The following LYPLAL1 variants were observed in gnomAD, a reference collection of about 807,000 sequenced individuals.
The protein encoded by LYPLAL1 is lysophospholipase-like protein 1.
Under a neutral mutation model 19.7 loss-of-function variants are expected in LYPLAL1, and 23 were observed. The observed-to-expected ratio is 1.17, with a 90% CI of 0.84 to 1.65. The LOEUF (loss-of-function observed/expected upper bound fraction) is 1.65, where lower values mean the gene tolerates loss of function less well. Among genes scored for constraint, LYPLAL1 ranks in the 40% most tolerant of loss-of-function variants. The pLI is 0.00. For missense variants in LYPLAL1, 355 were observed against 279.4 expected, an observed-to-expected ratio of 1.27 and a Z score of -1.93; for synonymous variants, 119 against 96.3, an observed-to-expected ratio of 1.24 and a Z score of -1.38.
At chr1:219,328,705 T>C in the LYPLAL1 span, among the ~76,000 whole-genome samples, 2 of 152,106 alleles carry the variant, frequency 1.3e-5, no homozygotes, top group African/African-American at 4.8e-5. Flanking sequence ...TTATATACAG[T>C]ATCTATATCA....
At chr1:219,365,824 C>T in the LYPLAL1 span, among the ~76,000 whole-genome samples, 1 of 152,114 alleles carries the variant, frequency 6.6e-6, no homozygotes, top group Admixed American at 6.6e-5. Flanking sequence ...AAACTGTTAG[C>T]TTTGTCTTTA....
At chr1:219,385,061 G>T in the LYPLAL1 span, among the ~76,000 whole-genome samples, 13 of 152,254 alleles carry the variant, frequency 8.5e-5, no homozygotes, top group East Asian at 1.4e-3. Flanking sequence ...AGGTGGTGGT[G>T]GGGGAGGTCA....
chr1:219,373,801 C>A, the LYPLAL1 span, among the ~76,000 whole-genome samples: 1 of 149,000 alleles, frequency 6.7e-6, no homozygotes, highest in African/African-American at 2.5e-5. Flanking sequence ...CCTGAGCCAC[C>A]CTTGGGCCTA....
chr1:219,444,037 T>C, the LYPLAL1 span, among the ~76,000 whole-genome samples: 1 of 152,082 alleles, frequency 6.6e-6, no homozygotes, highest in South Asian at 2.1e-4. Context: ...ACATGCAAAG[T>C]CCACACACAC....
At chr1:219,331,977 A>C in the LYPLAL1 span, among the ~76,000 whole-genome samples, 1 of 152,186 alleles carries the variant, frequency 6.6e-6, no homozygotes, top group African/African-American at 2.4e-5. Context: ...TAGAATGCTA[A>C]TAGTTACTAT....
the LYPLAL1 span, among the ~76,000 whole-genome samples, chr1:219,445,418 GC>G: frequency 8.9e-3 from 854 of 96,322 alleles, 15 homozygotes; most frequent in African/African-American, 0.032. Context: ...TGGGGGGGGG[GC>G]GGTGGGGGGA....
the LYPLAL1 span, among the ~76,000 whole-genome samples, chr1:219,328,240 C>T: frequency 9.2e-5 from 14 of 152,184 alleles, no homozygotes; most frequent in African/African-American, 1.7e-4. Flanking sequence ...CTTCCGGTTT[C>T]TCACTCATGC....
intron 1 of LYPLAL1, among the ~76,000 whole-genome samples, chr1:219,177,874 C>T (rs1326430051): frequency 6.6e-6 from 1 of 152,174 alleles, no homozygotes; most frequent in Non-Finnish European, 1.5e-5. Context: ...ACAGATTTGT[C>T]ACGTTCCTAC....
chr1:219,431,030 G>C, the LYPLAL1 span, among the ~76,000 whole-genome samples: 129 of 152,164 alleles, frequency 8.5e-4, 1 homozygote, highest in South Asian at 0.025. Context: ...TCATACAATT[G>C]TCTTTAAGAG....
the LYPLAL1 span, among the ~76,000 whole-genome samples, chr1:219,367,621 A>G: frequency 6.6e-6 from 1 of 152,210 alleles, no homozygotes; most frequent in African/African-American, 2.4e-5. Context: ...ATTAAAATAT[A>G]AGATAATTTA....
At chr1:219,293,033 A>G in the LYPLAL1 span, among the ~76,000 whole-genome samples, 69 of 152,292 alleles carry the variant, frequency 4.5e-4, no homozygotes, top group African/African-American at 1.6e-3. Flanking sequence ...GCCTCCAAAT[A>G]ATTTTCACAT....
the LYPLAL1 span, among the ~76,000 whole-genome samples, chr1:219,345,681 C>G: frequency 6.6e-6 from 1 of 152,096 alleles, no homozygotes; most frequent in Non-Finnish European, 1.5e-5. Flanking sequence ...CAATCCCATC[C>G]ATTTCCCTTC....
chr1:219,256,874 T>A, the LYPLAL1 span, among the ~76,000 whole-genome samples: 1 of 151,980 alleles, frequency 6.6e-6, no homozygotes, highest in East Asian at 1.9e-4. Flanking sequence ...TCTGGCTATC[T>A]TTTTTTGTGG....
At chr1:219,445,412 G>GC in the LYPLAL1 span, among the ~76,000 whole-genome samples, 1 of 108,098 alleles carries the variant, frequency 9.3e-6, no homozygotes, top group African/African-American at 3.7e-5. Flanking sequence ...TCAAATTGGG[G>GC]GGGGGGCGGT....
the LYPLAL1 span, among the ~76,000 whole-genome samples, chr1:219,432,897 A>G: frequency 4.1e-4 from 62 of 152,156 alleles, no homozygotes; most frequent in African/African-American, 1.4e-3. Context: ...AAGAGAGAAT[A>G]CTCACACATA....
chr1:219,381,095 C>T, the LYPLAL1 span, among the ~76,000 whole-genome samples: 2 of 152,150 alleles, frequency 1.3e-5, no homozygotes, highest in African/African-American at 4.8e-5. Flanking sequence ...ATTGTAGCTC[C>T]CATAATTCCC....
the LYPLAL1 span, among the ~76,000 whole-genome samples, chr1:219,412,545 C>G: frequency 1.5e-4 from 23 of 152,322 alleles, no homozygotes; most frequent in African/African-American, 5.1e-4. Context: ...TGTCACACAG[C>G]AAAAGCTCCA....
chr1:219,351,061 A>G, the LYPLAL1 span, among the ~76,000 whole-genome samples: 1 of 151,942 alleles, frequency 6.6e-6, no homozygotes, highest in South Asian at 2.1e-4. Context: ...TGCTGTGACT[A>G]CCTAAAGCTC....
chr1:219,286,511 G>A, the LYPLAL1 span, among the ~76,000 whole-genome samples: 4 of 152,120 alleles, frequency 2.6e-5, no homozygotes, highest in South Asian at 8.3e-4. Context: ...CCTTTAAAAT[G>A]CTTTCTCTCT....
Sources: gnomAD v4.1 joint callset for allele counts (sites outside exome capture counted in the v4.1 genomes callset) on GRCh38, gnomAD v4.1.1 for gene constraint, MANE v1.5 for transcripts, NCBI Gene and HGNC (gene_info 2026-07-23, HGNC 2026-07-21) for gene names.